VPS53: variants seen among roughly 807,000 people sequenced by gnomAD.
VPS53 encodes the protein vacuolar protein sorting-associated protein 53 homolog.
Under a neutral mutation model 107.0 loss-of-function variants are expected in VPS53, and 70 were observed. The ratio of observed to expected loss-of-function variants is 0.65; its 90% CI spans 0.54 to 0.80. The LOEUF is 0.80. VPS53 is among the 30% of genes least tolerant of loss of function. VPS53 has a pLI of 0.00. For missense variants in VPS53, 917 were observed against 1,049.4 expected (o/e 0.87, Z 1.74); for synonymous variants, 409 against 393.3 (o/e 1.04, Z -0.47).
At chr17:686,345 G>C (rs903285339) in intron 4 of VPS53, among the ~76,000 whole-genome samples, 9 of 151,946 alleles carry the variant, frequency 5.9e-5, no homozygotes, top group African/African-American at 1.7e-4. Context: ...GAAGAATTTG[G>C]AAGTTATAAA....
At chr17:703,059 A>C (rs898001725) in intron 2 of VPS53, among the ~76,000 whole-genome samples, 3 of 152,096 alleles carry the variant, frequency 2.0e-5, no homozygotes, top group African/African-American at 7.2e-5. Context: ...AATACAAAAA[A>C]CTACCTGGGC....
intron 7 of VPS53, among the ~76,000 whole-genome samples, chr17:650,350 A>T (rs1230046458): frequency 2.6e-5 from 4 of 152,074 alleles, no homozygotes; most frequent in Admixed American, 2.6e-4. Flanking sequence ...GTTAAAAATC[A>T]GCCAGGCATG....
In VPS53 at chr17:587,677, T is replaced by G. The variant is rs185602887; in HGVS notation, c.1219-1313A>C. On this transcript the variant is annotated intron_variant, in intron 12 of 21. Coordinates refer to ENST00000437048, the MANE Select transcript of VPS53 (RefSeq NM_001128159.3). ...AATAAGCAAAGATTTTCCTATGTAT[T>G]ACTTCTATTCCTAACAAATGTGAAT... is the stretch of plus-strand genomic sequence containing the variant. 1.5e-3 allele frequency among the ~76,000 whole-genome samples: 236 copies of G among 152,314 alleles called. 1 individual carries two copies. The highest frequency in any genetic ancestry group is 2.7e-3 in the Non-Finnish European group (185 of 68,022).
intron 11 of VPS53, among the ~76,000 whole-genome samples, chr17:615,485 T>C (rs1330255672): frequency 6.6e-6 from 1 of 151,926 alleles, no homozygotes; most frequent in Non-Finnish European, 1.5e-5. Flanking sequence ...AGGTTTGGAA[T>C]GATACAGTGA....
intron 12 of VPS53, among the ~76,000 whole-genome samples, chr17:589,658 G>T (rs1967531129): frequency 6.6e-6 from 1 of 152,120 alleles, no homozygotes; most frequent in Non-Finnish European, 1.5e-5. Context: ...TGGAAAATGG[G>T]TACAGTGGCC....
Position 513,246 on chromosome 17 carries a change from A to G in VPS53, c.*5882T>C, listed in dbSNP as rs2151784540. ...ATGACATCCAGTAATGCTTTAATTA[A>G]CTGCAGTATTTTGTGCTCCAACATG... On this transcript the variant is annotated 3_prime_UTR_variant, in exon 22 of 22. Coordinates refer to ENST00000437048, the MANE Select transcript of VPS53 (RefSeq NM_001128159.3). The G allele has an allele frequency of 6.6e-6, 1 of 152,312 alleles. No individual in the cohort carries two copies. Among genetic ancestry groups the G allele is most frequent in the South Asian group, 2.1e-4 (1 of 4,828 alleles). The allele number at this position is 152,312 out of a possible 1,614,324, so 9.4% of individuals were successfully genotyped here.
intron 2 of VPS53, among the ~76,000 whole-genome samples, chr17:707,174 C>T (rs948468535): frequency 1.3e-5 from 2 of 152,144 alleles, no homozygotes; most frequent in Non-Finnish European, 2.9e-5. Context: ...AATTGGTACT[C>T]ACATATGTAT....
chr17:633,495 G>A (rs1485573665), intron 7 of VPS53, among the ~76,000 whole-genome samples: 1 of 152,224 alleles, frequency 6.6e-6, no homozygotes, highest in Non-Finnish European at 1.5e-5. Context: ...CTGCTAAGGA[G>A]TGTCTGGCAA....
intron 4 of VPS53, among the ~76,000 whole-genome samples, chr17:692,750 C>G (rs139500082): frequency 0.016 from 2,371 of 152,340 alleles, 24 homozygotes; most frequent in Middle Eastern, 0.031. Context: ...CGCCTGTCAT[C>G]CCAGCACTTT....
intron 13 of VPS53, among the ~76,000 whole-genome samples, chr17:564,949 G>T (rs181326142): frequency 2.6e-5 from 4 of 152,156 alleles, no homozygotes; most frequent in Non-Finnish European, 5.9e-5. Flanking sequence ...CTGACATGTT[G>T]CATCTTTTTA....
chr17:519,111 AG>A lies in VPS53; in HGVS notation c.*16del, dbSNP rs1421409743. On this transcript the variant is annotated 3_prime_UTR_variant, in exon 22 of 22. Coordinates refer to ENST00000437048, the MANE Select transcript of VPS53 (RefSeq NM_001128159.3). This position sits in a 1 kb window ranked among gnomAD's most constrained non-coding sequence, Gnocchi z 5.0. The stretch of plus-strand genomic sequence containing the variant: ...GCTGAGGGTCTCCAGCCAGGAGCAA[AG>A]GGCCCCTTGCTGCTGCTACAGTCTC... 6.7e-7 allele frequency: 1 copy of A among 1,484,608 alleles called. No individual in the cohort carries two copies. Among genetic ancestry groups the A allele is most frequent in the South Asian group, 1.3e-5 (1 of 74,204 alleles). The allele number at this position is 1,484,608 out of a possible 1,614,324, so 92.0% of individuals were successfully genotyped here.
intron 13 of VPS53, 65 bp downstream of exon 13, chr17:586,205 A>G (rs1044471557): frequency 1.1e-4 from 171 of 1,497,964 alleles, no homozygotes; most frequent in Non-Finnish European, 1.5e-4. Flanking sequence ...GTGCGCTCCT[A>G]AGACCCAGTC....
At chr17:556,180 C>CT (rs1912330509) in intron 15 of VPS53, among the ~76,000 whole-genome samples, 1 of 152,146 alleles carries the variant, frequency 6.6e-6, no homozygotes, top group African/African-American at 2.4e-5. Flanking sequence ...GTCCCAGCCA[C>CT]TTGGGAGGCT....
intron 7 of VPS53, among the ~76,000 whole-genome samples, chr17:652,952 G>A (rs925784572): frequency 1.3e-5 from 2 of 152,234 alleles, no homozygotes; most frequent in Non-Finnish European, 2.9e-5. Context: ...CTAAGACTCT[G>A]CAGTGAACAC....
At position 537,326 on chromosome 17, in the gene VPS53, T is replaced by A. The variant is rs143213511; in HGVS notation, c.1867-150A>T. The A allele has an allele frequency of 2.1e-3, 1,773 of 854,602 alleles. 25 individuals are homozygous for A. In the African/African-American group the frequency reaches 0.028, roughly 13 times the overall value. 52.9% of individuals were successfully genotyped at this position (854,602 alleles called of 1,614,324 possible). A position where few individuals can be genotyped will look rare whatever the true frequency, so the allele number is the denominator to read the frequency against. On this transcript the variant is annotated intron_variant, in intron 17 of 21. Coordinates refer to ENST00000437048, the MANE Select transcript of VPS53 (RefSeq NM_001128159.3). ...TTTGTCCTGGGGAGTTTCTTATTCGTTCTGTAGGGACTGATACTCAGGACA... is the reference window on the plus strand; with the variant it reads ...TTTGTCCTGGGGAGTTTCTTATTCGATCTGTAGGGACTGATACTCAGGACA...
intron 1 of VPS53, among the ~76,000 whole-genome samples, chr17:712,729 CA>C (rs1300372161): frequency 3.3e-5 from 5 of 152,116 alleles, no homozygotes; most frequent in Middle Eastern, 3.2e-3. Context: ...GGAAAAATGT[CA>C]GAATTCACCG....
intron 4 of VPS53, among the ~76,000 whole-genome samples, chr17:664,957 T>C (rs1597459606): frequency 6.6e-6 from 1 of 151,744 alleles, no homozygotes. Flanking sequence ...GACAGGCAGG[T>C]GTGTGTGGTG....
At chr17:553,333 T>C in intron 16 of VPS53, 47 bp downstream of exon 16, 1 of 1,572,036 alleles carries the variant, frequency 6.4e-7, no homozygotes, top group Non-Finnish European at 8.8e-7. Context: ...CGCTGCTGTG[T>C]AGTGGAGAAA....
rs933407953 is a variant in VPS53, at chr17:514,962, C to G, written c.*4166G>C. On this transcript the variant is annotated 3_prime_UTR_variant, in exon 22 of 22. Transcript: ENST00000437048. Reference sequence around the variant, plus strand: ...CAGAACACCTTGTCCATTGCGGCTCCTGTTTCATTGTTAAGAGTCCACACA... The same window carrying G: ...CAGAACACCTTGTCCATTGCGGCTCGTGTTTCATTGTTAAGAGTCCACACA... 1.3e-5 allele frequency: 2 copies of G among 152,178 alleles called. No individual in the cohort carries two copies. The highest frequency in any genetic ancestry group is 4.8e-5 in the African/African-American group (2 of 41,400). 9.4% of individuals were successfully genotyped at this position (152,178 alleles called of 1,614,324 possible).
Sources: gnomAD v4.1 joint callset for allele counts (sites outside exome capture counted in the v4.1 genomes callset) on GRCh38, gnomAD v4.1.1 for gene constraint, Gnocchi (gnomAD v3.1) non-coding constraint, MANE v1.5 for transcripts, NCBI Gene and HGNC (gene_info 2026-07-23, HGNC 2026-07-21) for gene names.